The following EPHA6 variants were observed in gnomAD, a reference collection of about 807,000 sequenced individuals.
The protein encoded by EPHA6 is EPH receptor A6.
Under a neutral mutation model 112.0 loss-of-function variants are expected in EPHA6, and 50 were observed. The ratio of observed to expected loss-of-function variants is 0.45; its 90% CI spans 0.36 to 0.56. The LOEUF is 0.56. EPHA6 is among the 20% of genes least tolerant of loss of function. The probability of loss-of-function intolerance (pLI) is 0.00; values close to 1 mark genes in which losing one functional copy is unlikely to be tolerated. For missense variants in EPHA6, 1,280 were observed against 1,417.4 expected (o/e 0.90, Z 1.56); for synonymous variants, 529 against 490.7 (o/e 1.08, Z -1.03).
intron 10 of EPHA6, among the ~76,000 whole-genome samples, chr3:97,505,344 C>T (rs555990662): frequency 1.3e-5 from 2 of 152,052 alleles, no homozygotes; most frequent in African/African-American, 2.4e-5. Context: ...CCCCTAGCCC[C>T]CCACCCCCGA....
chr3:97,476,147 A>C (rs34986233), intron 8 of EPHA6, among the ~76,000 whole-genome samples: 1 of 152,162 alleles, frequency 6.6e-6, no homozygotes, highest in Non-Finnish European at 1.5e-5. Context: ...AATATGTATA[A>C]AATTATATCA....
At chr3:97,380,908 T>A (rs1304933351) in intron 5 of EPHA6, among the ~76,000 whole-genome samples, 1 of 152,118 alleles carries the variant, frequency 6.6e-6, no homozygotes, top group Non-Finnish European at 1.5e-5. Flanking sequence ...ATGTATTAGT[T>A]TTATTGTAGC....
intron 3 of EPHA6, among the ~76,000 whole-genome samples, chr3:97,107,857 T>C (rs1208169835): frequency 2.0e-5 from 3 of 152,192 alleles, no homozygotes; most frequent in African/African-American, 7.2e-5. Flanking sequence ...TTTCCTCAAA[T>C]AGATTTTTAA....
chr3:97,541,388 A>C (rs1043261764), intron 11 of EPHA6, among the ~76,000 whole-genome samples: 41 of 152,214 alleles, frequency 2.7e-4, no homozygotes, highest in Non-Finnish European at 4.7e-4. Context: ...TTTCAAAACC[A>C]AAAAATAAAT....
chr3:97,247,633 G>C (rs754892988), intron 5 of EPHA6, among the ~76,000 whole-genome samples: 4 of 151,910 alleles, frequency 2.6e-5, no homozygotes, highest in Non-Finnish European at 4.4e-5. Context: ...ATTAGAGGCT[G>C]ATCATATGTA....
At chr3:97,482,560 C>A (rs2091583187) in intron 9 of EPHA6, among the ~76,000 whole-genome samples, 1 of 152,154 alleles carries the variant, frequency 6.6e-6, no homozygotes, top group African/African-American at 2.4e-5. Context: ...GGTCCATATG[C>A]AGCACTAAGA....
intron 5 of EPHA6, among the ~76,000 whole-genome samples, chr3:97,272,056 G>A (rs2079900758): frequency 1.3e-5 from 2 of 152,176 alleles, no homozygotes; most frequent in African/African-American, 4.8e-5. Context: ...ACTACAAATT[G>A]TACTCCTTTA....
chr3:96,951,717 G>T (rs1398309701), intron 2 of EPHA6, among the ~76,000 whole-genome samples: 2 of 152,070 alleles, frequency 1.3e-5, no homozygotes, highest in East Asian at 3.9e-4. Context: ...AGAGTGCCGA[G>T]GCTGTGGATT....
intron 2 of EPHA6, among the ~76,000 whole-genome samples, chr3:96,913,538 T>C (rs2039338794): frequency 1.3e-5 from 2 of 152,098 alleles, no homozygotes; most frequent in Admixed American, 6.6e-5. Flanking sequence ...ATATCCGCCT[T>C]ATATAGTTTT....
intron 2 of EPHA6, among the ~76,000 whole-genome samples, chr3:96,887,271 C>G: frequency 6.6e-6 from 1 of 152,080 alleles, no homozygotes. Context: ...TTCTTTTGTC[C>G]CATGGGGTGT....
chr3:97,356,276 C>T (rs1577074691), intron 5 of EPHA6, among the ~76,000 whole-genome samples: 2 of 152,254 alleles, frequency 1.3e-5, no homozygotes, highest in East Asian at 3.9e-4. Context: ...AAGTTCAGGG[C>T]TCCCACTAGT....
intron 2 of EPHA6, among the ~76,000 whole-genome samples, chr3:96,900,107 G>T (rs139028281): frequency 3.1e-4 from 47 of 152,240 alleles, no homozygotes; most frequent in Non-Finnish European, 4.9e-4. Context: ...GGGACAATAG[G>T]TATAAAGAGG....
chr3:97,649,466 T>C (rs1483457171), intron 14 of EPHA6, among the ~76,000 whole-genome samples: 1 of 151,968 alleles, frequency 6.6e-6, no homozygotes, highest in East Asian at 1.9e-4. Flanking sequence ...GCAGCATATA[T>C]AGAATATAAG....
chr3:97,481,202 GA>G, intron 9 of EPHA6: 1 of 1,186,322 alleles, frequency 8.4e-7, no homozygotes, highest in Non-Finnish European at 1.2e-6. Flanking sequence ...TGAAGTACTG[GA>G]AAAGACAACC....
At chr3:97,525,176 C>T (rs541640620) in intron 10 of EPHA6, among the ~76,000 whole-genome samples, 2 of 152,152 alleles carry the variant, frequency 1.3e-5, no homozygotes, top group East Asian at 1.9e-4. Context: ...ACTTTCTTCA[C>T]TCTTTTTTGA....
intron 6 of EPHA6, chr3:97,447,846 T>C (rs1387470719): frequency 2.2e-5 from 21 of 967,400 alleles, no homozygotes; most frequent in Non-Finnish European, 2.1e-5. Flanking sequence ...AAGTCTTTCA[T>C]GCCTTTCTGT....
intron 5 of EPHA6, among the ~76,000 whole-genome samples, chr3:97,364,348 T>G (rs958828109): frequency 2.6e-5 from 4 of 151,620 alleles, no homozygotes; most frequent in African/African-American, 9.7e-5. Flanking sequence ...GTTTTAGTTT[T>G]TTTTTTTTTT....
intron 15 of EPHA6, among the ~76,000 whole-genome samples, chr3:97,735,320 T>C (rs1196895622): frequency 1.3e-5 from 2 of 152,038 alleles, no homozygotes; most frequent in African/African-American, 2.4e-5. Flanking sequence ...TAGCCAGTGA[T>C]AGCATTTTAA....
chr3:97,195,661 A>G (rs1303139700), intron 3 of EPHA6, among the ~76,000 whole-genome samples: 1 of 152,056 alleles, frequency 6.6e-6, no homozygotes, highest in Non-Finnish European at 1.5e-5. Flanking sequence ...AGCATGTCTT[A>G]GTAAGACAGG....
Sources: allele counts gnomAD v4.1 joint callset (sites outside exome capture counted in the v4.1 genomes callset), GRCh38; gene constraint gnomAD v4.1.1; transcripts MANE v1.5; gene names NCBI Gene and HGNC (gene_info 2026-07-23, HGNC 2026-07-21).